Variants in ARHGAP15 observed in about 807,000 individuals in gnomAD.
ARHGAP15 encodes the protein rho GTPase-activating protein 15.
Under a neutral mutation model 63.7 loss-of-function variants are expected in ARHGAP15, and 51 were observed. The ratio of observed to expected loss-of-function variants is 0.80; its 90% CI spans 0.64 to 1.01. The LOEUF is 1.01. ARHGAP15 is among the 50% of genes least tolerant of loss of function. ARHGAP15 has a pLI of 0.00. For missense variants in ARHGAP15, 560 were observed against 564.6 expected (o/e 0.99, Z 0.08); for synonymous variants, 191 against 193.8 (o/e 0.99, Z 0.12).
At chr2:143,142,897 A>C (rs1689428901) in intron 1 of ARHGAP15, among the ~76,000 whole-genome samples, 1 of 152,146 alleles carries the variant, frequency 6.6e-6, no homozygotes, top group African/African-American at 2.4e-5. Context: ...AACAAGACAG[A>C]GAAGAAAAAT....
At chr2:143,425,911 T>TA (rs1689121009) in intron 6 of ARHGAP15, among the ~76,000 whole-genome samples, 1 of 152,124 alleles carries the variant, frequency 6.6e-6, no homozygotes, top group Non-Finnish European at 1.5e-5. Context: ...TTGGATTCTA[T>TA]AAAAAAGAAT....
chr2:143,202,482 C>A lies in ARHGAP15; in HGVS notation c.234+280C>A, dbSNP rs140332692. ...GTTCAGTTCTTCCAGGAATGTTGGCCAAAGGCTGCCCTTATTTCCTTGCCA... is the reference window on the plus strand; with the variant it reads ...GTTCAGTTCTTCCAGGAATGTTGGCAAAAGGCTGCCCTTATTTCCTTGCCA... On this transcript the variant is annotated intron_variant, in intron 3 of 13. Coordinates refer to ENST00000295095, the MANE Select transcript of ARHGAP15 (RefSeq NM_018460.4). Among the ~76,000 whole-genome samples the A allele has an allele frequency of 9.5e-3, 1,447 of 152,106 alleles. 32 individuals carry two copies. Among genetic ancestry groups the A allele is most frequent in the African/African-American group, 0.033 (1,376 of 41,510 alleles).
At chr2:143,198,983 C>T (rs1028744903) in intron 2 of ARHGAP15, among the ~76,000 whole-genome samples, 4 of 151,802 alleles carry the variant, frequency 2.6e-5, no homozygotes, top group African/African-American at 7.3e-5. Context: ...AAATATAAGA[C>T]GTATGTATGA....
intron 10 of ARHGAP15, among the ~76,000 whole-genome samples, chr2:143,530,139 A>G (rs1281903494): frequency 1.3e-5 from 2 of 152,188 alleles, no homozygotes; most frequent in Non-Finnish European, 2.9e-5. Context: ...GCTAGAAGAG[A>G]CAATGATTAA....
At chr2:143,503,847 A>G (rs888677337) in intron 9 of ARHGAP15, among the ~76,000 whole-genome samples, 1 of 152,198 alleles carries the variant, frequency 6.6e-6, no homozygotes, top group Non-Finnish European at 1.5e-5. Context: ...GTATTCTCTG[A>G]GCCACTGTAT....
intron 6 of ARHGAP15, among the ~76,000 whole-genome samples, chr2:143,271,835 T>A (rs949090382): frequency 6.6e-6 from 1 of 152,226 alleles, no homozygotes; most frequent in Non-Finnish European, 1.5e-5. Context: ...TCATTCACTC[T>A]CATCTTGAAG....
intron 6 of ARHGAP15, among the ~76,000 whole-genome samples, chr2:143,346,055 C>A (rs1465705556): frequency 2.6e-5 from 4 of 151,966 alleles, no homozygotes; most frequent in Admixed American, 2.6e-4. Flanking sequence ...GATAAAAACA[C>A]TATTGAAATT....
chr2:143,301,904 A>G (rs961671156), intron 6 of ARHGAP15, among the ~76,000 whole-genome samples: 3 of 151,806 alleles, frequency 2.0e-5, no homozygotes, highest in Admixed American at 1.3e-4. Flanking sequence ...AGACATAGAG[A>G]TAGAATCAAT....
At chr2:143,666,178 A>C (rs868187313) in intron 12 of ARHGAP15, among the ~76,000 whole-genome samples, 7 of 150,006 alleles carry the variant, frequency 4.7e-5, no homozygotes, top group South Asian at 2.1e-4. Context: ...ATACTACAAG[A>C]CTACAGTAAC....
At chr2:143,665,369 C>A (rs1458187841) in intron 12 of ARHGAP15, among the ~76,000 whole-genome samples, 2 of 67,624 alleles carry the variant, frequency 3.0e-5, no homozygotes. Context: ...ATTCAACAAC[C>A]CTTCATGCTA....
intron 6 of ARHGAP15, among the ~76,000 whole-genome samples, chr2:143,356,404 C>T (rs546605073): frequency 1.8e-4 from 27 of 152,112 alleles, no homozygotes; most frequent in African/African-American, 5.8e-4. Flanking sequence ...ATGAAGGCAC[C>T]ACCCCCCTTC....
intron 13 of ARHGAP15, among the ~76,000 whole-genome samples, chr2:143,730,106 A>G (rs894804750): frequency 6.6e-6 from 1 of 152,252 alleles, no homozygotes; most frequent in Non-Finnish European, 1.5e-5. Flanking sequence ...GATAAAGACC[A>G]CCATATATAG....
intron 6 of ARHGAP15, among the ~76,000 whole-genome samples, chr2:143,336,998 T>C (rs1471636408): frequency 6.6e-6 from 1 of 151,772 alleles, no homozygotes; most frequent in Non-Finnish European, 1.5e-5. Flanking sequence ...AAGCTGCCAA[T>C]GTGCAGTGTT....
chr2:143,429,744 C>A (rs556160928), intron 6 of ARHGAP15, among the ~76,000 whole-genome samples: 1 of 152,038 alleles, frequency 6.6e-6, no homozygotes, highest in Non-Finnish European at 1.5e-5. Flanking sequence ...GAACATTTCA[C>A]GGAGTCAGAA....
intron 9 of ARHGAP15, among the ~76,000 whole-genome samples, chr2:143,502,028 A>G (rs1392564942): frequency 6.6e-6 from 1 of 152,206 alleles, no homozygotes; most frequent in Non-Finnish European, 1.5e-5. Flanking sequence ...TTCATCCAGG[A>G]CAGAAGGTAG....
intron 12 of ARHGAP15, among the ~76,000 whole-genome samples, chr2:143,662,721 G>A (rs1681893094): frequency 1.1e-5 from 1 of 93,342 alleles, no homozygotes; most frequent in Non-Finnish European, 2.3e-5. Flanking sequence ...AGTGCTTAAA[G>A]GAGCTGATGG....
At chr2:143,479,179 GTCCATACA>G (rs1691960267) in intron 8 of ARHGAP15, among the ~76,000 whole-genome samples, 1 of 152,174 alleles carries the variant, frequency 6.6e-6, no homozygotes, top group South Asian at 2.1e-4. Flanking sequence ...CAGAATCTGA[GTCCATACA>G]TCAGTACTGA....
intron 10 of ARHGAP15, among the ~76,000 whole-genome samples, chr2:143,542,703 A>AATATATATGATATATATAATATCACAT (rs1695136486): frequency 7.3e-6 from 1 of 136,708 alleles, no homozygotes; most frequent in Non-Finnish European, 1.6e-5. Context: ...TCACATATAT[A>AATATATATGATATATATAATATCACAT]ATATATATGA....
At chr2:143,542,136 A>G (rs1007725424) in intron 10 of ARHGAP15, among the ~76,000 whole-genome samples, 1 of 152,172 alleles carries the variant, frequency 6.6e-6, no homozygotes, top group Non-Finnish European at 1.5e-5. Context: ...ATGCCATGCT[A>G]GCAATGAGCG....
Sources: allele counts gnomAD v4.1 joint callset (sites outside exome capture counted in the v4.1 genomes callset), GRCh38; gene constraint gnomAD v4.1.1; transcripts MANE v1.5; gene names NCBI Gene and HGNC (gene_info 2026-07-23, HGNC 2026-07-21).